The following PALM2AKAP2 variants were observed in gnomAD, a reference collection of about 807,000 sequenced individuals.
PALM2AKAP2 encodes the protein PALM2 and AKAP2 fusion, also known as PALM2-AKAP2 fusion protein.
A neutral mutation model predicts 71.5 loss-of-function variants in PALM2AKAP2; 37 were observed. The ratio of observed to expected loss-of-function variants is 0.52; its 90% CI spans 0.40 to 0.68. The LOEUF is 0.68. Ranked by LOEUF, PALM2AKAP2 falls within the 30% of genes least tolerant of loss-of-function variation. The pLI, the probability that PALM2AKAP2 is intolerant of heterozygous loss-of-function variation, is 0.00. For synonymous variants in PALM2AKAP2, 468 were observed against 478.8 expected, an observed-to-expected ratio of 0.98 and a Z score of 0.29; for missense variants, 1,224 against 1,191.8, an observed-to-expected ratio of 1.03 and a Z score of -0.40.
intron 1 of PALM2AKAP2, among the ~76,000 whole-genome samples, chr9:109,688,612 C>T (rs1827835903): frequency 6.6e-6 from 1 of 152,206 alleles, no homozygotes; most frequent in Admixed American, 6.5e-5. Context: ...GACATTTAAG[C>T]CCCACTTGAG....
intron 1 of PALM2AKAP2, among the ~76,000 whole-genome samples, chr9:109,834,753 C>T (rs575356144): frequency 2.6e-5 from 4 of 152,220 alleles, no homozygotes; most frequent in African/African-American, 7.2e-5. Context: ...GAACAACCGA[C>T]GTTTCAGCAT....
intron 1 of PALM2AKAP2, among the ~76,000 whole-genome samples, chr9:110,101,398 T>A (rs1834996856): frequency 7.2e-6 from 1 of 139,304 alleles, no homozygotes; most frequent in Non-Finnish European, 1.5e-5. Context: ...AGTTAATCTC[T>A]CTCCCTCATT....
At chr9:109,936,026 G>A (rs1397587886) in intron 6 of PALM2AKAP2, among the ~76,000 whole-genome samples, 1 of 152,058 alleles carries the variant, frequency 6.6e-6, no homozygotes, top group Non-Finnish European at 1.5e-5. Context: ...TTACTACTGA[G>A]GTGTCTTGGA....
intron 7 of PALM2AKAP2, 105 bp downstream of exon 7, chr9:110,016,144 C>A: frequency 1.8e-6 from 2 of 1,097,346 alleles, no homozygotes; most frequent in Non-Finnish European, 2.7e-6. Flanking sequence ...ATCCACCTTG[C>A]TAGAGTTCTC....
intron 1 of PALM2AKAP2, among the ~76,000 whole-genome samples, chr9:109,703,341 G>A (rs1373272052): frequency 6.6e-6 from 1 of 152,146 alleles, no homozygotes; most frequent in African/African-American, 2.4e-5. Context: ...TGTGACTAAA[G>A]AGAAGGATTT....
In PALM2AKAP2 at chr9:109,784,726, A is replaced by G. The variant is rs116287090; in HGVS notation, c.45+4193A>G. Reference sequence around the variant, plus strand: ...AAGCCAGGATTTGAATGCTGCCCGCAGCAGGCCATTGGAGCCTTTGCTTTG... The same window carrying G: ...AAGCCAGGATTTGAATGCTGCCCGCGGCAGGCCATTGGAGCCTTTGCTTTG... On this transcript the variant is annotated intron_variant, in intron 1 of 9. Coordinates refer to the PALM2AKAP2 transcript ENST00000302798. Among the ~76,000 whole-genome samples the G allele has an allele frequency of 1.7e-3, 263 of 152,394 alleles. 1 individual carries two copies. The highest frequency in any genetic ancestry group is 5.8e-3 in the African/African-American group (242 of 41,596).
chr9:109,710,768 C>T (rs1447951912), intron 1 of PALM2AKAP2, among the ~76,000 whole-genome samples: 1 of 152,178 alleles, frequency 6.6e-6, no homozygotes, highest in Non-Finnish European at 1.5e-5. Flanking sequence ...TACTTGAACT[C>T]TGCTACAACT....
intron 3 of PALM2AKAP2, among the ~76,000 whole-genome samples, chr9:109,897,304 A>G (rs920121367): frequency 7.2e-5 from 11 of 152,320 alleles, no homozygotes; most frequent in East Asian, 1.9e-4. Context: ...TTTGGCAGCC[A>G]GGCTTGGTGG....
At chr9:109,665,656 C>G (rs927148649) in intron 1 of PALM2AKAP2, among the ~76,000 whole-genome samples, 12 of 152,232 alleles carry the variant, frequency 7.9e-5, no homozygotes, top group African/African-American at 2.9e-4. Flanking sequence ...CAGGGACCCA[C>G]TTGAGGAGGC....
At chr9:109,775,120 G>T (rs534909836) in intron 1 of PALM2AKAP2, among the ~76,000 whole-genome samples, 1 of 152,226 alleles carries the variant, frequency 6.6e-6, no homozygotes, top group South Asian at 2.1e-4. Flanking sequence ...AATAAATGTA[G>T]AATGATCTCT....
At chr9:109,952,127 A>C (rs1310915022) in intron 6 of PALM2AKAP2, among the ~76,000 whole-genome samples, 1 of 152,214 alleles carries the variant, frequency 6.6e-6, no homozygotes, top group African/African-American at 2.4e-5. Context: ...TGTTACAACT[A>C]CTCAGCTCTG....
intron 1 of PALM2AKAP2, among the ~76,000 whole-genome samples, chr9:110,101,528 A>T (rs1347978144): frequency 6.6e-6 from 1 of 152,210 alleles, no homozygotes; most frequent in Non-Finnish European, 1.5e-5. Flanking sequence ...AGGGGCTGAA[A>T]GACAAGTAGA....
chr9:109,813,571 G>T (rs1564160622), intron 1 of PALM2AKAP2, among the ~76,000 whole-genome samples: 1 of 152,192 alleles, frequency 6.6e-6, no homozygotes, highest in East Asian at 1.9e-4. Flanking sequence ...AAGAAGATAG[G>T]GCTTGTTATG....
At chr9:109,657,452 T>TTTTGTGTG (rs112474230) in intron 1 of PALM2AKAP2, among the ~76,000 whole-genome samples, 1 of 147,106 alleles carries the variant, frequency 6.8e-6, no homozygotes, top group African/African-American at 2.6e-5. Flanking sequence ...AATATGGTAT[T>TTTTGTGTG]TGTGTGTGTG....
chr9:109,843,928 C>T (rs1054282140), intron 1 of PALM2AKAP2, among the ~76,000 whole-genome samples: 3 of 152,298 alleles, frequency 2.0e-5, no homozygotes, highest in East Asian at 3.9e-4. Context: ...AAGAAGGAGA[C>T]GCCAAGATTT....
At chr9:109,763,739 G>T (rs1401502485) in intron 1 of PALM2AKAP2, among the ~76,000 whole-genome samples, 3 of 152,132 alleles carry the variant, frequency 2.0e-5, no homozygotes, top group African/African-American at 7.2e-5. Context: ...TCTGGCAGCT[G>T]CTGGAATTTC....
chr9:110,060,800 C>T (rs1833949712), intron 1 of PALM2AKAP2, among the ~76,000 whole-genome samples: 1 of 152,012 alleles, frequency 6.6e-6, no homozygotes, highest in Admixed American at 6.5e-5. Flanking sequence ...CGGGATTTCG[C>T]CATGTTGGCC....
intron 1 of PALM2AKAP2, among the ~76,000 whole-genome samples, chr9:109,708,800 C>T (rs1258738671): frequency 6.6e-6 from 1 of 152,216 alleles, no homozygotes; most frequent in African/African-American, 2.4e-5. Context: ...GCTTTAGCGA[C>T]ACTGGAAATC....
At chr9:109,790,207 C>G (rs140291454) in intron 1 of PALM2AKAP2, among the ~76,000 whole-genome samples, 121 of 152,270 alleles carry the variant, frequency 7.9e-4, no homozygotes, top group African/African-American at 2.9e-3. Flanking sequence ...TATTTCATTA[C>G]CCTGCAGGCT....
Sources: allele counts gnomAD v4.1 joint callset (sites outside exome capture counted in the v4.1 genomes callset), GRCh38; gene constraint gnomAD v4.1.1; transcripts MANE v1.5; gene names NCBI Gene and HGNC (gene_info 2026-07-23, HGNC 2026-07-21).